Variants in CNTNAP2 observed in about 807,000 individuals in gnomAD.
CNTNAP2 encodes contactin-associated protein-like 2.
In CNTNAP2, 98 loss-of-function variants were observed where a neutral mutation model predicts 155.2. The observed-to-expected ratio is 0.63, with a 90% confidence interval of 0.54 to 0.75. The LOEUF is 0.75. Among genes scored for constraint, CNTNAP2 ranks in the 30% least tolerant of loss-of-function variants. CNTNAP2 has a pLI of 0.00. For synonymous variants in CNTNAP2, 651 were observed against 631.2 expected (o/e 1.03, Z -0.47); for missense variants, 1,727 against 1,688.1 (o/e 1.02, Z -0.40).
chr7:148,261,806 C>G (rs574251906), intron 20 of CNTNAP2, among the ~76,000 whole-genome samples: 1 of 152,160 alleles, frequency 6.6e-6, no homozygotes, highest in Non-Finnish European at 1.5e-5. Flanking sequence ...AAAAGGCCTG[C>G]GACTCAGACA....
intron 9 of CNTNAP2, among the ~76,000 whole-genome samples, chr7:147,391,787 G>A (rs1044367121): frequency 2.0e-5 from 3 of 151,244 alleles, no homozygotes; most frequent in African/African-American, 4.9e-5. Context: ...TTATAGTCAC[G>A]CTTCCTTGTC....
At chr7:146,588,949 C>T (rs1411721016) in intron 1 of CNTNAP2, among the ~76,000 whole-genome samples, 1 of 140,422 alleles carries the variant, frequency 7.1e-6, no homozygotes, top group East Asian at 2.0e-4. Flanking sequence ...AACTGCTTTA[C>T]ATTTCAGTTA....
intron 12 of CNTNAP2, among the ~76,000 whole-genome samples, chr7:147,632,658 G>A (rs1214755057): frequency 6.6e-6 from 1 of 152,128 alleles, no homozygotes; most frequent in African/African-American, 2.4e-5. Context: ...CAGTAAATTG[G>A]TACTGGGTAG....
chr7:148,273,515 C>T (rs1055494580), intron 21 of CNTNAP2, among the ~76,000 whole-genome samples: 2 of 152,122 alleles, frequency 1.3e-5, no homozygotes, highest in African/African-American at 4.8e-5. Flanking sequence ...AATCGTTTTT[C>T]AAATTAACTA....
chr7:147,155,729 G>C (rs775831591), intron 8 of CNTNAP2, among the ~76,000 whole-genome samples: 6 of 152,066 alleles, frequency 3.9e-5, no homozygotes, highest in Non-Finnish European at 8.8e-5. Context: ...ATTTGTATGG[G>C]TGATAGCACA....
At chr7:146,806,419 C>T (rs1367230216) in intron 2 of CNTNAP2, among the ~76,000 whole-genome samples, 1 of 151,904 alleles carries the variant, frequency 6.6e-6, no homozygotes, top group Non-Finnish European at 1.5e-5. Context: ...TCACTTGAAC[C>T]CAGGAGGCGG....
rs1795666570 is a variant in CNTNAP2 at position 148,217,531 on chromosome 7, AC to A, written c.3247+8del. 6.2e-7 allele frequency: 1 copy of A among 1,613,038 alleles called. No homozygotes were observed. Among genetic ancestry groups the A allele is most frequent in the Non-Finnish European group, 8.5e-7 (1 of 1,179,090 alleles). Reference sequence around the variant, plus strand: ...GTCCTCGTCAAACCCACTGGTAAGGACAAGGATACCCAGCCTCTGCCATTTA... The same window carrying A: ...GTCCTCGTCAAACCCACTGGTAAGGAAAGGATACCCAGCCTCTGCCATTTA... On this transcript the variant is annotated splice_region_variant and intron_variant, in intron 19 of 23. Coordinates refer to ENST00000361727, the MANE Select transcript of CNTNAP2 (RefSeq NM_014141.6).
At chr7:146,237,141 C>A (rs1799487871) in intron 1 of CNTNAP2, among the ~76,000 whole-genome samples, 1 of 152,194 alleles carries the variant, frequency 6.6e-6, no homozygotes, top group African/African-American at 2.4e-5. Context: ...TAGCAGCCAT[C>A]CACATAGCTG....
chr7:148,113,438 C>G (rs762948866), intron 15 of CNTNAP2, among the ~76,000 whole-genome samples: 37 of 152,338 alleles, frequency 2.4e-4, no homozygotes, highest in Non-Finnish European at 4.0e-4. Context: ...AGGATCCAAT[C>G]ACCTCCCACC....
chr7:147,391,148 G>A (rs1019278823), intron 9 of CNTNAP2, among the ~76,000 whole-genome samples: 7 of 152,106 alleles, frequency 4.6e-5, no homozygotes, highest in African/African-American at 1.7e-4. Flanking sequence ...CATATACAAT[G>A]GTAGATTATG....
Position 146,511,807 on chromosome 7 carries a change from AT to A in CNTNAP2, c.98-262461del, listed in dbSNP as rs1253070865. Among the ~76,000 whole-genome samples, 254 of 152,244 alleles carry A rather than the reference AT, an allele frequency of 1.7e-3. 1 individual carries two copies. The highest frequency in any genetic ancestry group is 5.9e-3 in the African/African-American group (246 of 41,576). On this transcript the variant is annotated intron_variant, in intron 1 of 23. Coordinates refer to ENST00000361727, the MANE Select transcript of CNTNAP2 (RefSeq NM_014141.6). The stretch of plus-strand genomic sequence containing the variant: ...GGCCTCATAAAATGAGTTTGGAAGT[AT>A]TTCATCCTCTTAAATATTTTTTGAA...
intron 1 of CNTNAP2, among the ~76,000 whole-genome samples, chr7:146,649,361 T>A (rs1799867314): frequency 6.6e-6 from 1 of 152,140 alleles, no homozygotes; most frequent in Non-Finnish European, 1.5e-5. Flanking sequence ...ATTTTCTTTT[T>A]ACTGGGTGTG....
chr7:147,488,274 G>A (rs1798545025), intron 11 of CNTNAP2, among the ~76,000 whole-genome samples: 1 of 152,196 alleles, frequency 6.6e-6, no homozygotes, highest in Admixed American at 6.5e-5. Context: ...GAAGAACGAA[G>A]TGCGAAGGCC....
chr7:147,576,918 C>G (rs563090016), intron 12 of CNTNAP2, among the ~76,000 whole-genome samples: 11 of 152,128 alleles, frequency 7.2e-5, no homozygotes, highest in African/African-American at 2.6e-4. Context: ...TACACCAACC[C>G]TTGGATATAG....
At chr7:147,674,882 T>C (rs1795843119) in intron 13 of CNTNAP2, among the ~76,000 whole-genome samples, 1 of 152,094 alleles carries the variant, frequency 6.6e-6, no homozygotes, top group African/African-American at 2.4e-5. Context: ...TTTCAGCATA[T>C]CTTTCTAAAA....
intron 2 of CNTNAP2, among the ~76,000 whole-genome samples, chr7:146,829,254 G>A (rs545271184): frequency 6.6e-6 from 1 of 152,062 alleles, no homozygotes; most frequent in African/African-American, 2.4e-5. Context: ...CAGCTAGACA[G>A]ATTTTCTTTT....
At chr7:147,431,052 A>G (rs1472807001) in intron 10 of CNTNAP2, among the ~76,000 whole-genome samples, 1 of 67,916 alleles carries the variant, frequency 1.5e-5, no homozygotes, top group African/African-American at 3.9e-5. Flanking sequence ...CTCCATCTCA[A>G]AAAAAAAAAA....
At position 147,207,412 on chromosome 7, in the gene CNTNAP2, A is replaced by G. The variant is rs1055956946; in HGVS notation, c.1348+74903A>G. 6.6e-5 allele frequency among the ~76,000 whole-genome samples: 10 copies of G among 152,304 alleles called. No individual in the cohort carries two copies. The South Asian group carries it at 2.1e-3, about 32-fold the overall frequency. On this transcript the variant is annotated intron_variant, in intron 8 of 23. Transcript: ENST00000361727. Reference sequence around the variant, plus strand: ...AATCATGTATCATTATGTTTTAATAAAATGAGAACATTTTTACTATTAATT... The same window carrying G: ...AATCATGTATCATTATGTTTTAATAGAATGAGAACATTTTTACTATTAATT...
rs60717424 is a variant in CNTNAP2, at chr7:146,599,743, G to GAGATAGATAGATAGATAGATAGAT, written c.98-174511_98-174488dup. Among the ~76,000 whole-genome samples, 57 of 145,706 alleles carry GAGATAGATAGATAGATAGATAGAT rather than the reference G, an allele frequency of 3.9e-4. 1 individual carries two copies. Among genetic ancestry groups the GAGATAGATAGATAGATAGATAGAT allele is most frequent in the African/African-American group, 7.4e-4 (29 of 39,014 alleles). On this transcript the variant is annotated intron_variant, in intron 1 of 23. Coordinates refer to ENST00000361727, the MANE Select transcript of CNTNAP2 (RefSeq NM_014141.6). Reference sequence around the variant, plus strand: ...CAGAGAGCCAGAAAGACGACAGACAGAGATAGATAGATAGATAGATAGATA... The same window carrying GAGATAGATAGATAGATAGATAGAT: ...CAGAGAGCCAGAAAGACGACAGACAGAGATAGATAGATAGATAGATAGATAGATAGATAGATAGATAGATAGATA...
Sources: allele counts gnomAD v4.1 joint callset (sites outside exome capture counted in the v4.1 genomes callset), GRCh38; gene constraint gnomAD v4.1.1; transcripts MANE v1.5; gene names NCBI Gene and HGNC (gene_info 2026-07-23, HGNC 2026-07-21).